Variants in NAALADL2 observed in about 807,000 individuals in gnomAD.
The protein encoded by NAALADL2 is inactive N-acetylated-alpha-linked acidic dipeptidase-like protein 2.
NAALADL2 carries 76 observed loss-of-function variants against 87.2 expected under a neutral mutation model. The ratio of observed to expected loss-of-function variants is 0.87; its 90% CI spans 0.72 to 1.05. The LOEUF is 1.05. Among genes scored for constraint, NAALADL2 ranks in the 50% least tolerant of loss-of-function variants. The pLI is 0.00. For missense variants in NAALADL2, 1,089 were observed against 945.8 expected, an observed-to-expected ratio of 1.15 and a Z score of -1.99; for synonymous variants, 354 against 331.0, an observed-to-expected ratio of 1.07 and a Z score of -0.75.
At chr3:174,973,674 A>G (rs1218738989) in intron 1 of NAALADL2, among the ~76,000 whole-genome samples, 1 of 152,236 alleles carries the variant, frequency 6.6e-6, no homozygotes, top group Non-Finnish European at 1.5e-5. Context: ...CCTAGATGGC[A>G]TAGCCTACTA....
At chr3:175,121,486 A>C (rs1223993656) in intron 2 of NAALADL2, among the ~76,000 whole-genome samples, 1 of 151,786 alleles carries the variant, frequency 6.6e-6, no homozygotes, top group Non-Finnish European at 1.5e-5. Flanking sequence ...CAACACTTTC[A>C]TTACTGGCTG....
chr3:174,607,375 T>C (rs529569185), intron 2 of NAALADL2, among the ~76,000 whole-genome samples: 49 of 151,610 alleles, frequency 3.2e-4, no homozygotes, highest in African/African-American at 1.1e-3. Flanking sequence ...GACTGGCAAT[T>C]TGGATAAAGA....
intron 11 of NAALADL2, among the ~76,000 whole-genome samples, chr3:175,679,066 A>C: frequency 6.6e-6 from 1 of 151,872 alleles, no homozygotes; most frequent in East Asian, 1.9e-4. Context: ...CAAGGTGCTC[A>C]GTGGGGGAGC....
intron 1 of NAALADL2, among the ~76,000 whole-genome samples, chr3:175,037,787 T>C (rs1050739430): frequency 1.3e-5 from 2 of 152,242 alleles, no homozygotes; most frequent in Non-Finnish European, 1.5e-5. Context: ...TGGAGTGTTA[T>C]GTTTGTGTGA....
intron 5 of NAALADL2, among the ~76,000 whole-genome samples, chr3:175,355,955 A>AT (rs1181723698): frequency 6.6e-6 from 1 of 152,228 alleles, no homozygotes; most frequent in Non-Finnish European, 1.5e-5. Context: ...GTTAAGAATT[A>AT]TAAGCACAAG....
intron 12 of NAALADL2, among the ~76,000 whole-genome samples, chr3:175,754,671 T>C (rs555883247): frequency 1.3e-5 from 2 of 152,324 alleles, no homozygotes; most frequent in East Asian, 3.9e-4. Flanking sequence ...TTCCCTGAAA[T>C]ACAGTTTACT....
At chr3:175,058,313 T>C (rs1236993501) in intron 1 of NAALADL2, among the ~76,000 whole-genome samples, 3 of 152,218 alleles carry the variant, frequency 2.0e-5, no homozygotes, top group Non-Finnish European at 4.4e-5. Flanking sequence ...TATTCATCTA[T>C]CTACTGATTA....
chr3:174,441,324 C>T (rs1223577062), intron 1 of NAALADL2, among the ~76,000 whole-genome samples: 1 of 152,178 alleles, frequency 6.6e-6, no homozygotes, highest in Non-Finnish European at 1.5e-5. Context: ...GAGCTCCCAA[C>T]CCGCTCCAAG....
chr3:174,953,496 T>G (rs1297799506), intron 1 of NAALADL2, among the ~76,000 whole-genome samples: 1 of 151,832 alleles, frequency 6.6e-6, no homozygotes, highest in Non-Finnish European at 1.5e-5. Flanking sequence ...ATTTAAGATG[T>G]GTTTTCATGG....
At chr3:175,227,485 C>T (rs950594967) in intron 2 of NAALADL2, among the ~76,000 whole-genome samples, 5 of 151,850 alleles carry the variant, frequency 3.3e-5, no homozygotes, top group East Asian at 1.9e-4. Context: ...AAATAAATAC[C>T]GTGTGATTTT....
At chr3:174,515,987 TG>T (rs1359137202) in intron 1 of NAALADL2, among the ~76,000 whole-genome samples, 4 of 151,944 alleles carry the variant, frequency 2.6e-5, no homozygotes, top group Admixed American at 2.6e-4. Flanking sequence ...AGAGAAAAAA[TG>T]GCAGGTTGAC....
At chr3:175,564,957 C>T (rs1716872036) in intron 9 of NAALADL2, among the ~76,000 whole-genome samples, 1 of 152,166 alleles carries the variant, frequency 6.6e-6, no homozygotes, top group African/African-American at 2.4e-5. Context: ...TAAAAAAGTG[C>T]CAATGTGGCA....
intron 5 of NAALADL2, among the ~76,000 whole-genome samples, chr3:175,329,606 G>A (rs1761153877): frequency 6.6e-6 from 1 of 152,110 alleles, no homozygotes. Flanking sequence ...GATATTCACA[G>A]TATGAATATC....
At chr3:175,105,345 ATCT>A (rs1425700166) in intron 2 of NAALADL2, among the ~76,000 whole-genome samples, 1 of 151,992 alleles carries the variant, frequency 6.6e-6, no homozygotes, top group African/African-American at 2.4e-5. Flanking sequence ...CAGAGTACAG[ATCT>A]TCTTGATAAG....
intron 11 of NAALADL2, among the ~76,000 whole-genome samples, chr3:175,667,228 AAAG>A (rs1246295959): frequency 2.6e-5 from 3 of 116,596 alleles, no homozygotes; most frequent in African/African-American, 1.5e-4. Flanking sequence ...AGAAAGAAAG[AAAG>A]AAAGAAAGAA....
intron 5 of NAALADL2, among the ~76,000 whole-genome samples, chr3:175,342,968 G>A (rs1762716897): frequency 6.6e-6 from 1 of 151,980 alleles, no homozygotes; most frequent in Non-Finnish European, 1.5e-5. Context: ...ATTTCTTTTA[G>A]ATACCCCAGA....
At chr3:175,433,027 C>G (rs984880448) in intron 5 of NAALADL2, among the ~76,000 whole-genome samples, 4 of 151,998 alleles carry the variant, frequency 2.6e-5, no homozygotes, top group Admixed American at 2.6e-4. Context: ...GATTTTCCGG[C>G]TACTTTATCT....
At chr3:175,741,162 A>G (rs1039531165) in intron 12 of NAALADL2, among the ~76,000 whole-genome samples, 3 of 152,186 alleles carry the variant, frequency 2.0e-5, no homozygotes, top group Non-Finnish European at 4.4e-5. Context: ...GCTTATCAAC[A>G]ACAGTAATTT....
chr3:174,999,159 T>C (rs1747905706), intron 1 of NAALADL2, among the ~76,000 whole-genome samples: 1 of 152,168 alleles, frequency 6.6e-6, no homozygotes, highest in East Asian at 1.9e-4. Flanking sequence ...AATAACATTG[T>C]TAATAATGCA....
Sources: allele counts gnomAD v4.1 joint callset (sites outside exome capture counted in the v4.1 genomes callset), GRCh38; gene constraint gnomAD v4.1.1; transcripts MANE v1.5; gene names NCBI Gene and HGNC (gene_info 2026-07-23, HGNC 2026-07-21).